PITPNM2: variants seen among roughly 807,000 people sequenced by gnomAD.
PITPNM2 encodes membrane-associated phosphatidylinositol transfer protein 2.
In PITPNM2, 35 loss-of-function variants were observed where a neutral mutation model predicts 132.2. The ratio of observed to expected loss-of-function variants is 0.26; its 90% CI spans 0.20 to 0.35. The LOEUF (loss-of-function observed/expected upper bound fraction) is 0.35, where lower values mean the gene tolerates loss of function less well. Among genes scored for constraint, PITPNM2 ranks in the 10% least tolerant of loss-of-function variants. PITPNM2 has a pLI of 1.00. For missense variants in PITPNM2, 1,332 were observed against 1,912.0 expected, an observed-to-expected ratio of 0.70 and a Z score of 5.66; for synonymous variants, 738 against 799.2, an observed-to-expected ratio of 0.92 and a Z score of 1.29.
At position 123,077,629 on chromosome 12, in the gene PITPNM2, C is replaced by A. The variant is rs2041833896; in HGVS notation, c.-96+32756G>T. ...TCCACGCACCCAAACTCTGCTGTGC[C>A]CCCTCTGAGTTCTGAGCATGCCAGG... On this transcript the variant is annotated intron_variant, in intron 2 of 25. Coordinates refer to ENST00000320201, the MANE Select transcript of PITPNM2 (RefSeq NM_020845.3). The surrounding 1 kb of genome is among the most constrained non-coding windows in gnomAD (Gnocchi z 4.8). 1.3e-5 allele frequency among the ~76,000 whole-genome samples: 2 copies of A among 152,188 alleles called. No homozygotes were observed. The highest frequency in any genetic ancestry group is 4.8e-5 in the African/African-American group (2 of 41,442).
At chr12:123,065,621 T>C (rs1192344345) in intron 2 of PITPNM2, among the ~76,000 whole-genome samples, 1 of 152,256 alleles carries the variant, frequency 6.6e-6, no homozygotes, top group East Asian at 1.9e-4. Context: ...GGTGTGAGAC[T>C]TGCAGGAGGC....
chr12:123,037,686 C>T (rs1021524391), intron 2 of PITPNM2, among the ~76,000 whole-genome samples: 11 of 152,184 alleles, frequency 7.2e-5, no homozygotes, highest in Non-Finnish European at 1.6e-4. Context: ...CAAATCAGTC[C>T]TTTCTCAATC....
At chr12:123,040,539 TA>T (rs1473137137) in intron 2 of PITPNM2, among the ~76,000 whole-genome samples, 1 of 152,238 alleles carries the variant, frequency 6.6e-6, no homozygotes, top group African/African-American at 2.4e-5. Flanking sequence ...CTTTTAGGAC[TA>T]TTATCACTTA....
rs1566241702 is a variant in PITPNM2 at position 123,004,640 on chromosome 12, A to G, written c.953-151T>C. 1.4e-6 allele frequency: 1 copy of G among 713,554 alleles called. No individual in the cohort carries two copies. The highest frequency in any genetic ancestry group is 1.7e-5 in the African/African-American group (1 of 57,388). The allele number at this position is 713,554 out of a possible 1,614,324, so 44.2% of individuals were successfully genotyped here. On this transcript the variant is annotated intron_variant, in intron 7 of 25. Transcript: ENST00000320201. This position sits in a 1 kb window ranked among gnomAD's most constrained non-coding sequence, Gnocchi z 4.9. ...GCCAGGAAGGTTCCGAAGAGAATGA[A>G]GTGTGTAAATGAGTGGGGAGCGGCC...
At chr12:123,029,700 T>C (rs565851956) in intron 3 of PITPNM2, among the ~76,000 whole-genome samples, 1 of 151,892 alleles carries the variant, frequency 6.6e-6, no homozygotes, top group South Asian at 2.1e-4. Context: ...TATGTGTGCA[T>C]GTTGTGTGTG....
rs777454768 is a variant in PITPNM2 at position 123,004,554 on chromosome 12, C to T, written c.953-65G>A. 9.1e-6 allele frequency: 14 copies of T among 1,540,686 alleles called. No homozygotes were observed. Among genetic ancestry groups the T allele is most frequent in the African/African-American group, 4.1e-5 (3 of 73,638 alleles). ...GAAGGGCCCAGAGGCTGCCCTGAGC[C>T]GGCAGGAGGCAGGGAGGGCCACCCA... is the stretch of plus-strand genomic sequence containing the variant. On this transcript the variant is annotated intron_variant, in intron 7 of 25. Transcript: ENST00000320201. This position sits in a 1 kb window ranked among gnomAD's most constrained non-coding sequence, Gnocchi z 4.9.
At chr12:123,092,185 C>T (rs1461588644) in intron 2 of PITPNM2, 1 of 152,154 alleles carries the variant, frequency 6.6e-6, no homozygotes, top group Non-Finnish European at 1.5e-5. Context: ...CAGCCTTGGG[C>T]CCAAGAACCA....
intron 2 of PITPNM2, among the ~76,000 whole-genome samples, chr12:123,102,066 C>T (rs897072489): frequency 6.6e-6 from 1 of 152,180 alleles, no homozygotes; most frequent in Non-Finnish European, 1.5e-5. Flanking sequence ...TAGGCACAAC[C>T]TAGACACAGC....
In PITPNM2 at chr12:122,986,152, C is replaced by T. The variant is rs771405802; in HGVS notation, c.3925G>A (p.Glu1309Lys). 2.9e-5 allele frequency: 45 copies of T among 1,531,220 alleles called. No homozygotes were observed. Among genetic ancestry groups the T allele is most frequent in the Non-Finnish European group, 3.8e-5 (43 of 1,144,084 alleles). The allele number at this position is 1,531,220 out of a possible 1,614,324, so 94.9% of individuals were successfully genotyped here. Reference sequence around the variant, plus strand: ...CCATCCGCCTGGCTCTGTGTCCGCTCGTGCCGGTGGCTGGGCCCGCTGGGC... The same window carrying T: ...CCATCCGCCTGGCTCTGTGTCCGCTTGTGCCGGTGGCTGGGCCCGCTGGGC... ...AQPSGPSHRHERTQSQADGEQ... is the reference protein window; with the variant it reads ...AQPSGPSHRHKRTQSQADGEQ... Residue 1309 changes from glutamate (E) to lysine (K), a missense_variant, in exon 26 of 26, where the codon GAG (glutamate) becomes AAG (lysine). By Grantham distance (56) the Glu-to-Lys change is moderately conservative. Coordinates refer to ENST00000320201, the MANE Select transcript of PITPNM2 (RefSeq NM_020845.3).
intron 3 of PITPNM2, chr12:123,034,204 A>T (rs2040193500): frequency 3.1e-6 from 1 of 323,492 alleles, no homozygotes; most frequent in Non-Finnish European, 5.7e-6. Context: ...GCAAACTGAA[A>T]CATAGGAAAA....
In PITPNM2 at chr12:122,986,279, G is replaced by C; in HGVS notation, c.3798C>G (p.Asn1266Lys). The C allele has an allele frequency of 6.3e-7, 1 of 1,583,084 alleles. No individual in the cohort carries two copies. The change falls in exon 26 of 26, where the codon AAC becomes AAG. Residue 1266 changes from asparagine to lysine, a missense_variant. Asn to Lys is a moderately conservative substitution (Grantham distance 94). Transcript: ENST00000320201. The stretch of plus-strand genomic sequence containing the variant: ...TGCGCAGCGCCATGCGGGTGGCCGT[G>C]TTGCGAGCGGGCCGCGCCCGGTGGC... Reference protein sequence around the residue: ...KYSHRARPARNTATRMALRKG... With the variant: ...KYSHRARPARKTATRMALRKG...
chr12:123,006,331 G>A (rs1014939669), intron 6 of PITPNM2, among the ~76,000 whole-genome samples: 35 of 151,850 alleles, frequency 2.3e-4, no homozygotes, highest in African/African-American at 7.0e-4. Flanking sequence ...ATGCACGTGA[G>A]ATATATAAGA....
In PITPNM2 at chr12:122,985,598, TAAC is replaced by T. The variant is rs901791342; in HGVS notation, c.*426_*428del. 1 of 171,886 alleles carries T rather than the reference TAAC, an allele frequency of 5.8e-6. No homozygotes were observed. The highest frequency in any genetic ancestry group is 1.2e-5 in the Non-Finnish European group (1 of 81,544). The allele number at this position is 171,886 out of a possible 1,614,324, so 10.6% of individuals were successfully genotyped here. On this transcript the variant is annotated 3_prime_UTR_variant, in exon 26 of 26. Transcript: ENST00000320201. ...GGTTGAACAGTTGAGAAACTCGAGT[TAAC>T]AAGATGCAGGCTGGACCCCTGTTGG...
intron 1 of PITPNM2, among the ~76,000 whole-genome samples, 163 bp from the exon 2 acceptor site, chr12:123,110,651 G>A (rs1410297856): frequency 6.6e-6 from 1 of 152,202 alleles, no homozygotes; most frequent in East Asian, 1.9e-4. Flanking sequence ...AGCCCAGGAC[G>A]ATTCAGGAAG....
At chr12:123,129,501 C>T (rs529729774) in intron 1 of PITPNM2, among the ~76,000 whole-genome samples, 4 of 150,624 alleles carry the variant, frequency 2.7e-5, no homozygotes, top group Admixed American at 6.6e-5. Flanking sequence ...ACCCGGGAGG[C>T]GGAGCTTGCA....
intron 2 of PITPNM2, among the ~76,000 whole-genome samples, chr12:123,060,501 C>T (rs954661265): frequency 3.3e-5 from 5 of 152,252 alleles, no homozygotes; most frequent in African/African-American, 9.6e-5. Flanking sequence ...ACACTTCCAC[C>T]CAATGCTCAC....
chr12:123,019,864 G>C (rs1259636647), intron 3 of PITPNM2, among the ~76,000 whole-genome samples: 1 of 152,158 alleles, frequency 6.6e-6, no homozygotes, highest in Non-Finnish European at 1.5e-5. Context: ...CTCAGCCTCA[G>C]GGGGGTCAGG....
intron 2 of PITPNM2, among the ~76,000 whole-genome samples, chr12:123,084,989 C>T (rs1404162706): frequency 1.3e-5 from 2 of 152,212 alleles, no homozygotes; most frequent in East Asian, 3.9e-4. Context: ...CCAGCTTAAT[C>T]GGGCCAAGTA....
intron 3 of PITPNM2, among the ~76,000 whole-genome samples, chr12:123,027,145 G>C (rs2039892886): frequency 6.7e-6 from 1 of 149,948 alleles, no homozygotes; most frequent in Non-Finnish European, 1.5e-5. Flanking sequence ...CTCTCGGTGG[G>C]GCAGGTGGAG....
Sources: allele counts gnomAD v4.1 joint callset (sites outside exome capture counted in the v4.1 genomes callset), GRCh38; gene constraint gnomAD v4.1.1; non-coding constraint Gnocchi (gnomAD v3.1); transcripts MANE v1.5; gene names NCBI Gene and HGNC (gene_info 2026-07-23, HGNC 2026-07-21).